TBC1D12: variants seen among roughly 807,000 people sequenced by gnomAD.
TBC1D12 encodes TBC1 domain family member 12, also known as TBC1 domain family, member 12.
In TBC1D12, 56 loss-of-function variants were observed where a neutral mutation model predicts 86.7. That is an observed-to-expected ratio of 0.65 (90% CI 0.52 to 0.81). TBC1D12 has a LOEUF of 0.81. Among genes scored for constraint, TBC1D12 ranks in the 30% least tolerant of loss-of-function variants. The probability of loss-of-function intolerance (pLI) is 0.00; values close to 1 mark genes in which losing one functional copy is unlikely to be tolerated. For synonymous variants in TBC1D12, 421 were observed against 411.7 expected, an observed-to-expected ratio of 1.02 and a Z score of -0.27; for missense variants, 1,023 against 1,038.8, an observed-to-expected ratio of 0.98 and a Z score of 0.21.
intron 11 of TBC1D12, among the ~76,000 whole-genome samples, chr10:94,529,616 T>TA (rs199526329): frequency 3.3e-4 from 50 of 150,308 alleles, no homozygotes; most frequent in South Asian, 2.7e-3. Context: ...AAAACTCCAT[T>TA]AAAAAAAAAA....
intron 1 of TBC1D12, among the ~76,000 whole-genome samples, chr10:94,408,956 T>A (rs1314978719): frequency 6.6e-6 from 1 of 152,214 alleles, no homozygotes; most frequent in African/African-American, 2.4e-5. Context: ...ATAATTAATG[T>A]TTAAAATTTT....
At chr10:94,487,864 T>G (rs528147913) in intron 3 of TBC1D12, among the ~76,000 whole-genome samples, 60 of 119,946 alleles carry the variant, frequency 5.0e-4, no homozygotes, top group African/African-American at 8.5e-4. Context: ...ACCCAGCTGG[T>G]TTTTTTTTTG....
At chr10:94,433,042 T>C (rs2055240438) in intron 1 of TBC1D12, among the ~76,000 whole-genome samples, 1 of 151,938 alleles carries the variant, frequency 6.6e-6, no homozygotes, top group South Asian at 2.1e-4. Context: ...CTGTCTTTAC[T>C]AAAAATACAA....
intron 2 of TBC1D12, among the ~76,000 whole-genome samples, chr10:94,471,688 A>G (rs776185342): frequency 6.6e-5 from 10 of 152,228 alleles, no homozygotes; most frequent in African/African-American, 9.6e-5. Context: ...CACCATGGCC[A>G]TGAGTGATCT....
chr10:94,445,558 A>G (rs74153351), intron 2 of TBC1D12, among the ~76,000 whole-genome samples: 2,551 of 152,162 alleles, frequency 0.017, 95 homozygotes, highest in African/African-American at 0.058. Context: ...CACAGCTATT[A>G]GTATATGTTT....
chr10:94,522,743 G>A (rs1407554999), intron 11 of TBC1D12, among the ~76,000 whole-genome samples: 3 of 151,910 alleles, frequency 2.0e-5, no homozygotes, highest in South Asian at 2.1e-4. Flanking sequence ...GCGAAACCCC[G>A]TCTCTACTAA....
chr10:94,487,358 T>A (rs2056179970), intron 3 of TBC1D12, among the ~76,000 whole-genome samples: 1 of 151,948 alleles, frequency 6.6e-6, no homozygotes, highest in Non-Finnish European at 1.5e-5. Context: ...ATTTTGTTAT[T>A]TGTTTTCTGT....
chr10:94,525,351 C>T (rs1305180960), intron 11 of TBC1D12, among the ~76,000 whole-genome samples: 1 of 152,066 alleles, frequency 6.6e-6, no homozygotes, highest in African/African-American at 2.4e-5. Context: ...GTGGCTCATG[C>T]CTGTAATCCT....
chr10:94,427,346 T>C (rs2055160333), intron 1 of TBC1D12, among the ~76,000 whole-genome samples: 1 of 152,228 alleles, frequency 6.6e-6, no homozygotes, highest in Non-Finnish European at 1.5e-5. Context: ...TCCTCTTTTC[T>C]TCTGGTGGTT....
At chr10:94,424,358 A>G (rs1324759710) in intron 1 of TBC1D12, among the ~76,000 whole-genome samples, 2 of 152,184 alleles carry the variant, frequency 1.3e-5, no homozygotes, top group African/African-American at 4.8e-5. Flanking sequence ...GGGACAAGGA[A>G]GTGAAATATT....
At chr10:94,521,306 T>C (rs1238682838) in intron 9 of TBC1D12, among the ~76,000 whole-genome samples, 1 of 151,062 alleles carries the variant, frequency 6.6e-6, no homozygotes, top group Non-Finnish European at 1.5e-5. Context: ...CAAACATCTA[T>C]ACAGCTTAGC....
chr10:94,461,286 G>A (rs896259551), intron 2 of TBC1D12, among the ~76,000 whole-genome samples: 6 of 152,130 alleles, frequency 3.9e-5, no homozygotes, highest in South Asian at 2.1e-4. Flanking sequence ...TGAATGGTAC[G>A]CTTCATAGTG....
At chr10:94,407,958 C>T (rs2054879580) in intron 1 of TBC1D12, among the ~76,000 whole-genome samples, 1 of 152,112 alleles carries the variant, frequency 6.6e-6, no homozygotes, top group Non-Finnish European at 1.5e-5. Context: ...AGAGTGAGAC[C>T]ATGTCTCTTA....
At chr10:94,508,237 ACT>A (rs1419756818) in intron 7 of TBC1D12, among the ~76,000 whole-genome samples, 3 of 148,426 alleles carry the variant, frequency 2.0e-5, no homozygotes, top group African/African-American at 4.9e-5. Context: ...AGCCTCTTAT[ACT>A]CTCTCTTTTT....
intron 11 of TBC1D12, among the ~76,000 whole-genome samples, chr10:94,529,723 G>A (rs1842378590): frequency 6.6e-6 from 1 of 151,990 alleles, no homozygotes; most frequent in Admixed American, 6.6e-5. Context: ...TAATATTATG[G>A]GACTGAGATC....
At position 94,474,724 on chromosome 10, in the gene TBC1D12, C is replaced by T; in HGVS notation, c.1152C>T (p.Arg384=). ...AACCACCACCTCAGTCTTCAAGACGCAAGAATTTTGAATTTGAGCCGCTTT... is the reference window on the plus strand; with the variant it reads ...AACCACCACCTCAGTCTTCAAGACGTAAGAATTTTGAATTTGAGCCGCTTT... ...TCKPPPQSSR[R]KNFEFEPLST... The change falls in exon 3 of 13, where the codon CGC becomes CGT. Residue 384 remains arginine, a synonymous_variant. Transcript: ENST00000225235. The T allele has an allele frequency of 1.9e-6, 3 of 1,614,046 alleles. No homozygotes were observed. Among genetic ancestry groups the T allele is most frequent in the Non-Finnish European group, 2.5e-6 (3 of 1,180,012 alleles).
intron 5 of TBC1D12, among the ~76,000 whole-genome samples, chr10:94,497,750 C>G (rs1405445732): frequency 6.7e-6 from 1 of 148,428 alleles, no homozygotes; most frequent in Admixed American, 6.8e-5. Context: ...TAAATCTTAC[C>G]TATCCTTTGG....
Position 94,497,059 on chromosome 10 carries a change from TAAGG to T in TBC1D12, c.1303_1306del (p.Glu435HisfsTer8). On this transcript the variant is annotated frameshift_variant, in exon 5 of 13. Coordinates refer to ENST00000225235, the MANE Select transcript of TBC1D12 (RefSeq NM_015188.2). LOFTEE classifies it high-confidence loss of function. ...ATTTTTACTCGTTTAAAACAGAAAT[TAAGG>T]AAGCACATAAAAGAAAAAGAATCAT... is the stretch of plus-strand genomic sequence containing the variant. The T allele has an allele frequency of 6.4e-7, 1 of 1,553,398 alleles. No homozygotes were observed.
chr10:94,423,937 A>C (rs983999307), intron 1 of TBC1D12, among the ~76,000 whole-genome samples: 1 of 152,210 alleles, frequency 6.6e-6, no homozygotes, highest in Admixed American at 6.5e-5. Flanking sequence ...CCAACCTAGG[A>C]TCATAAATGT....
Sources: allele counts gnomAD v4.1 joint callset (sites outside exome capture counted in the v4.1 genomes callset), GRCh38; gene constraint gnomAD v4.1.1; transcripts MANE v1.5; gene names NCBI Gene and HGNC (gene_info 2026-07-23, HGNC 2026-07-21).